The following EYS variants were observed in gnomAD, a reference collection of about 807,000 sequenced individuals.
EYS encodes the protein protein eyes shut homolog.
EYS carries 250 observed loss-of-function variants against 282.1 expected under a neutral mutation model. The ratio of observed to expected loss-of-function variants is 0.89; its 90% confidence interval spans 0.80 to 0.98. The LOEUF (loss-of-function observed/expected upper bound fraction) is 0.98. Ranked by LOEUF, EYS falls within the 50% of genes least tolerant of loss-of-function variation. EYS has a pLI of 0.00. For missense variants in EYS, 4,016 were observed against 3,709.0 expected, an observed-to-expected ratio of 1.08 and a Z score of -2.15; for synonymous variants, 1,355 against 1,282.9, an observed-to-expected ratio of 1.06 and a Z score of -1.20.
intron 33 of EYS, among the ~76,000 whole-genome samples, chr6:64,049,217 AAC>A (rs1770727126): frequency 6.6e-6 from 1 of 152,182 alleles, no homozygotes; most frequent in Admixed American, 6.5e-5. Context: ...TCACAGTGTA[AAC>A]AGTCATGTAT....
At chr6:65,420,675 T>C (rs1767420185) in intron 5 of EYS, among the ~76,000 whole-genome samples, 1 of 151,890 alleles carries the variant, frequency 6.6e-6, no homozygotes, top group South Asian at 2.1e-4. Context: ...GGAATCACTG[T>C]CTATGGAAGC....
chr6:65,598,669 T>G lies in EYS; in HGVS notation c.-333+41109A>C, dbSNP rs372938153. ...CCTTTGTGGAAATTACATCCTGGTT[T>G]CTGTTCCATACTTGAGTAGACTACA... On this transcript the variant is annotated intron_variant, in intron 2 of 42. Coordinates refer to ENST00000503581, the MANE Select transcript of EYS (RefSeq NM_001142800.2). Among the ~76,000 whole-genome samples, 35 of 152,250 alleles carry G rather than the reference T, an allele frequency of 2.3e-4. 1 individual carries two copies. The South Asian group carries it at 7.0e-3, about 31-fold the overall frequency.
intron 30 of EYS, among the ~76,000 whole-genome samples, chr6:64,303,148 C>T (rs1241272695): frequency 1.3e-5 from 2 of 152,164 alleles, no homozygotes; most frequent in Non-Finnish European, 1.5e-5. Flanking sequence ...ACTCTGCCTG[C>T]ATGTGGTACC....
At chr6:64,047,419 T>C (rs1241949998) in intron 33 of EYS, among the ~76,000 whole-genome samples, 1 of 152,026 alleles carries the variant, frequency 6.6e-6, no homozygotes, top group Non-Finnish European at 1.5e-5. Context: ...GAGAAATGAA[T>C]AAACAGGCTC....
At chr6:64,275,799 T>A (rs12528899) in intron 30 of EYS, among the ~76,000 whole-genome samples, 94,725 of 147,900 alleles carry the variant, frequency 0.64, 30,227 homozygotes, top group African/African-American at 0.73. Context: ...ACTAAAAAAA[T>A]AAAATAAAAT....
intron 5 of EYS, among the ~76,000 whole-genome samples, chr6:65,450,639 C>T (rs569921355): frequency 3.9e-5 from 6 of 152,230 alleles, no homozygotes; most frequent in South Asian, 2.1e-4. Flanking sequence ...TGCAGATGTG[C>T]TCTGCTCTGG....
In EYS at chr6:63,899,183, A is replaced by C. The variant is rs141583482; in HGVS notation, c.7056-34825T>G. Among the ~76,000 whole-genome samples, 699 of 152,316 alleles carry C rather than the reference A, an allele frequency of 4.6e-3. 5 individuals carry two copies. Among genetic ancestry groups the C allele is most frequent in the African/African-American group, 0.015 (623 of 41,564 alleles). On this transcript the variant is annotated intron_variant, in intron 35 of 42. Coordinates refer to ENST00000503581, the MANE Select transcript of EYS (RefSeq NM_001142800.2). ...TTCAAACAAGTACCTTTAACCTCTA[A>C]ACATGAAGATAATTCAAGGTCCCTA...
At chr6:65,275,067 A>G (rs1768010250) in intron 12 of EYS, among the ~76,000 whole-genome samples, 1 of 152,196 alleles carries the variant, frequency 6.6e-6, no homozygotes, top group Admixed American at 6.5e-5. Flanking sequence ...GGGGAGGTCC[A>G]GATTGCTGTG....
chr6:65,060,801 T>TAC (rs921956810), intron 12 of EYS, among the ~76,000 whole-genome samples: 5 of 138,408 alleles, frequency 3.6e-5, no homozygotes, highest in South Asian at 2.3e-4. Context: ...TATATATATA[T>TAC]ACACACACAT....
At chr6:65,651,228 T>G (rs1443332706) in intron 1 of EYS, among the ~76,000 whole-genome samples, 1 of 151,970 alleles carries the variant, frequency 6.6e-6, no homozygotes, top group East Asian at 1.9e-4. Context: ...AGGAATGACC[T>G]TGCATGCTTT....
chr6:64,045,211 G>T (rs1346701828), intron 33 of EYS, among the ~76,000 whole-genome samples: 1 of 151,674 alleles, frequency 6.6e-6, no homozygotes, highest in Non-Finnish European at 1.5e-5. Flanking sequence ...TGAAAACTCT[G>T]ACTAATTTTT....
At chr6:65,342,194 A>G (rs1166195248) in intron 10 of EYS, among the ~76,000 whole-genome samples, 1 of 150,928 alleles carries the variant, frequency 6.6e-6, no homozygotes, top group Non-Finnish European at 1.5e-5. Flanking sequence ...AAAAGGACTC[A>G]TGTAATTTTT....
At position 64,853,838 on chromosome 6, in the gene EYS, G is replaced by T. The variant is rs368757473; in HGVS notation, c.2993-31016C>A. Among the ~76,000 whole-genome samples the T allele has an allele frequency of 1.1e-4, 16 of 152,054 alleles. No individual in the cohort carries two copies. In the East Asian group the frequency reaches 3.1e-3, roughly 30 times the overall value. ...ACCTACAGAATGGGAGAAAATTTTT[G>T]CAATCTACTCATCTGACAAAGGGCT... is the stretch of plus-strand genomic sequence containing the variant. On this transcript the variant is annotated intron_variant, in intron 19 of 42. Transcript: ENST00000503581.
intron 31 of EYS, among the ~76,000 whole-genome samples, chr6:64,117,687 A>G (rs1773435759): frequency 6.6e-6 from 1 of 151,858 alleles, no homozygotes; most frequent in Non-Finnish European, 1.5e-5. Flanking sequence ...ACATAGTACT[A>G]GAGGTCCTAG....
intron 1 of EYS, among the ~76,000 whole-genome samples, chr6:65,657,049 C>T (rs1292241660): frequency 6.6e-6 from 1 of 151,776 alleles, no homozygotes; most frequent in Admixed American, 6.6e-5. Context: ...GGAACAAAGC[C>T]TCAATGATAG....
chr6:64,811,916 T>G (rs998238394), intron 22 of EYS, among the ~76,000 whole-genome samples: 1 of 152,176 alleles, frequency 6.6e-6, no homozygotes, highest in South Asian at 2.1e-4. Flanking sequence ...ACTAACAGAT[T>G]GTAAAAATAC....
At chr6:64,133,499 C>CACAT (rs1171414536) in intron 31 of EYS, among the ~76,000 whole-genome samples, 4 of 150,722 alleles carry the variant, frequency 2.7e-5, no homozygotes, top group Non-Finnish European at 4.4e-5. Flanking sequence ...CACACACACA[C>CACAT]ACACACACAC....
At chr6:64,848,931 T>A (rs1765799733) in intron 19 of EYS, among the ~76,000 whole-genome samples, 1 of 152,096 alleles carries the variant, frequency 6.6e-6, no homozygotes, top group Non-Finnish European at 1.5e-5. Context: ...TTTGAACAAC[T>A]TGAATTATGC....
In EYS at chr6:64,081,996, C is replaced by T. The variant is rs1419891482; in HGVS notation, c.6431G>A (p.Gly2144Asp). The T allele has an allele frequency of 6.5e-7, 1 of 1,537,462 alleles. No homozygotes were observed. Among genetic ancestry groups the T allele is most frequent in the South Asian group, 1.2e-5 (1 of 82,830 alleles). ...FTGRFCEKDA[G>D]LFFPSFNGNS... Reference sequence around the variant, plus strand: ...CCCATTGAAAGATGGAAAGAATAAACCTGCATCTAAAAAAGAAAATGGTAT... The same window carrying T: ...CCCATTGAAAGATGGAAAGAATAAATCTGCATCTAAAAAAGAAAATGGTAT... The change falls in exon 32 of 43, where the codon GGT (glycine) becomes GAT (aspartate). Residue 2144 changes from glycine to aspartate, a missense_variant. Physicochemically the swap from Gly to Asp is moderately conservative, Grantham distance 94. Transcript: ENST00000503581.
Sources: allele counts gnomAD v4.1 joint callset (sites outside exome capture counted in the v4.1 genomes callset), GRCh38; gene constraint gnomAD v4.1.1; transcripts MANE v1.5; gene names NCBI Gene and HGNC (gene_info 2026-07-23, HGNC 2026-07-21).